Variants in YJU2 observed in about 807,000 individuals in gnomAD.
YJU2 encodes splicing factor YJU2.
Under a neutral mutation model 39.6 loss-of-function variants are expected in YJU2, and 28 were observed. The ratio of observed to expected loss-of-function variants is 0.71; its 90% confidence interval spans 0.52 to 0.97. The LOEUF (loss-of-function observed/expected upper bound fraction) is 0.97. Among genes scored for constraint, YJU2 ranks in the 50% least tolerant of loss-of-function variants. The probability of loss-of-function intolerance (pLI) is 0.00; values close to 1 mark genes in which losing one functional copy is unlikely to be tolerated. For missense variants in YJU2, 328 were observed against 430.4 expected, an observed-to-expected ratio of 0.76 and a Z score of 2.11; for synonymous variants, 184 against 182.4, an observed-to-expected ratio of 1.01 and a Z score of -0.07.
rs1054754043 is a variant in YJU2 at position 4,247,093 on chromosome 19, A to C, written c.-54A>C. 6.3e-5 allele frequency: 99 copies of C among 1,575,966 alleles called. No homozygotes were observed. Among genetic ancestry groups the C allele is most frequent in the Non-Finnish European group, 8.3e-5 (95 of 1,145,394 alleles). ...AAGGCTTCCGTCGGAAAAGCTCGAT[A>C]ATTACCCAGCCTAACCATTTCTCAG... On this transcript the variant is annotated 5_prime_UTR_variant, in exon 1 of 8. Coordinates refer to ENST00000262962, the MANE Select transcript of YJU2 (RefSeq NM_018074.6).
At chr19:4,263,343 G>A (rs1303938030) in intron 6 of YJU2, among the ~76,000 whole-genome samples, 2 of 152,116 alleles carry the variant, frequency 1.3e-5, no homozygotes, top group South Asian at 2.1e-4. Flanking sequence ...TTCAGGGTCC[G>A]GCTGTGGGAA....
rs1481078406 is a variant in YJU2, at chr19:4,249,487, A to G, written c.125+159A>G. Among the ~76,000 whole-genome samples, 5 of 151,830 alleles carry G rather than the reference A, an allele frequency of 3.3e-5. No homozygotes were observed. In the South Asian group the frequency reaches 6.2e-4, roughly 19 times the overall value. On this transcript the variant is annotated intron_variant, in intron 2 of 7. Coordinates refer to ENST00000262962, the MANE Select transcript of YJU2 (RefSeq NM_018074.6). Reference sequence around the variant, plus strand: ...CATTCCAACCCTCCTTCGCCTCACCACTTGGGATTAAGCTTTGGATCTTTT... The same window carrying G: ...CATTCCAACCCTCCTTCGCCTCACCGCTTGGGATTAAGCTTTGGATCTTTT...
intron 4 of YJU2, 52 bp downstream of exon 4, chr19:4,254,541 G>A (rs1432084411): frequency 6.7e-7 from 1 of 1,498,120 alleles, no homozygotes; most frequent in Admixed American, 2.4e-5. Flanking sequence ...GTGGGTGTGT[G>A]TGTGTGCCAA....
chr19:4,255,866 G>A (rs1358120235), intron 4 of YJU2, among the ~76,000 whole-genome samples: 1 of 151,888 alleles, frequency 6.6e-6, no homozygotes, highest in East Asian at 1.9e-4. Flanking sequence ...AATTAACCAG[G>A]CGTGGTGGCA....
Position 4,268,879 on chromosome 19 carries a change from TGCCCTCACCA to T in YJU2, c.*187_*196del. On this transcript the variant is annotated 3_prime_UTR_variant, in exon 8 of 8. Coordinates refer to ENST00000262962, the MANE Select transcript of YJU2 (RefSeq NM_018074.6). ...TCAGCCCCAGGAGGTCCCTTCTCTGTGCCCTCACCAGCCTCTCAACACCTCGGGGACCCCT... is the reference window on the plus strand; with the variant it reads ...TCAGCCCCAGGAGGTCCCTTCTCTGTGCCTCTCAACACCTCGGGGACCCCT... 2 of 589,828 alleles carry T rather than the reference TGCCCTCACCA, an allele frequency of 3.4e-6. No homozygotes were observed. The highest frequency in any genetic ancestry group is 6.1e-6 in the Non-Finnish European group (2 of 330,284). 36.5% of individuals were successfully genotyped at this position (589,828 alleles called of 1,614,324 possible).
At position 4,268,770 on chromosome 19, in the gene YJU2, T is replaced by C; in HGVS notation, c.*74T>C. ...GCCACATTGAGGCCAGCATTGCTGG[T>C]GGTCAGGGCAGGAGGCCTTGGCGTG... On this transcript the variant is annotated 3_prime_UTR_variant, in exon 8 of 8. Transcript: ENST00000262962. The C allele has an allele frequency of 2.7e-6, 3 of 1,129,598 alleles. No individual in the cohort carries two copies. In the Admixed American group the frequency reaches 5.9e-5, roughly 22 times the overall value. 70.0% of individuals were successfully genotyped at this position (1,129,598 alleles called of 1,614,324 possible).
chr19:4,264,238 G>A (rs7245387), intron 6 of YJU2, among the ~76,000 whole-genome samples: 4,093 of 141,314 alleles, frequency 0.029, 199 homozygotes, highest in African/African-American at 0.1. Flanking sequence ...CTCCAGCCTG[G>A]GCGACAGAGC....
At chr19:4,251,930 T>C (rs1970980344) in intron 3 of YJU2, among the ~76,000 whole-genome samples, 1 of 151,872 alleles carries the variant, frequency 6.6e-6, no homozygotes, top group Admixed American at 6.6e-5. Flanking sequence ...GAGGTTGCAG[T>C]GAGCCAACAT....
In YJU2 at chr19:4,268,775, A is replaced by G. The variant is rs1971139019; in HGVS notation, c.*79A>G. 6.6e-6 allele frequency: 7 copies of G among 1,054,108 alleles called. No homozygotes were observed. The highest frequency in any genetic ancestry group is 6.1e-5 in the Admixed American group (3 of 49,380). 65.3% of individuals were successfully genotyped at this position (1,054,108 alleles called of 1,614,324 possible). A position where few individuals can be genotyped will look rare whatever the true frequency, so the allele number is the denominator to read the frequency against. ...ATTGAGGCCAGCATTGCTGGTGGTC[A>G]GGGCAGGAGGCCTTGGCGTGACTGG... On this transcript the variant is annotated 3_prime_UTR_variant, in exon 8 of 8. Coordinates refer to ENST00000262962, the MANE Select transcript of YJU2 (RefSeq NM_018074.6).
chr19:4,255,450 C>T (rs1187442931), intron 4 of YJU2, among the ~76,000 whole-genome samples: 1 of 151,826 alleles, frequency 6.6e-6, no homozygotes, highest in East Asian at 1.9e-4. Context: ...CAGGTGCTTG[C>T]CAGGCGTGGT....
In YJU2 at chr19:4,267,727, C is replaced by G. The variant is rs1052024869; in HGVS notation, c.812C>G (p.Ala271Gly). The change falls in exon 7 of 8, where the codon GCC (alanine) becomes GGC (glycine). Residue 271 changes from alanine to glycine, a missense_variant. Physicochemically the swap from Ala to Gly is moderately conservative, Grantham distance 60. This residue lies in a region of YJU2 where 244 missense variants were observed against 264.6 expected (regional missense o/e 0.92). Coordinates refer to ENST00000262962, the MANE Select transcript of YJU2 (RefSeq NM_018074.6). ...CTGGTCGTGGTGAAGAAGGCAAAGG[C>G]CGACCCGGACTGCAGCAACGGGCAG... is the stretch of plus-strand genomic sequence containing the variant. ...SRLVVVKKAK[A>G]DPDCSNGQPQ... 3.0e-5 allele frequency: 48 copies of G among 1,612,970 alleles called. No individual in the cohort carries two copies. The highest frequency in any genetic ancestry group is 4.1e-5 in the Non-Finnish European group (48 of 1,179,846).
chr19:4,253,198 T>TACACACACACACACACACAC (rs58339658), intron 3 of YJU2, among the ~76,000 whole-genome samples: 2 of 139,160 alleles, frequency 1.4e-5, no homozygotes, highest in African/African-American at 5.4e-5. Context: ...TGTCCGTGTC[T>TACACACACACACACACACAC]ACACACACAC....
At chr19:4,253,767 A>T (rs987149920) in intron 3 of YJU2, among the ~76,000 whole-genome samples, 18 of 152,186 alleles carry the variant, frequency 1.2e-4, no homozygotes, top group African/African-American at 4.3e-4. Context: ...TTTATAATCA[A>T]AGAAAAGGTG....
intron 6 of YJU2, 115 bp downstream of exon 6, chr19:4,262,229 C>G (rs561586817): frequency 1.7e-4 from 196 of 1,148,072 alleles, no homozygotes; most frequent in Non-Finnish European, 2.3e-4. Flanking sequence ...GACGGAGTCT[C>G]GCTCTGTCGC....
Position 4,251,143 on chromosome 19 carries a change from C to T in YJU2, c.242C>T (p.Thr81Met), listed in dbSNP as rs765909626. The part of the protein sequence containing the change: ...LPIFRFYIKC[T>M]RCLAEITFKT... Reference sequence around the variant, plus strand: ...ATCTTCCGCTTTTACATCAAGTGCACGCGCTGCCTGGCAGAGATCACCTTC... The same window carrying T: ...ATCTTCCGCTTTTACATCAAGTGCATGCGCTGCCTGGCAGAGATCACCTTC... The change falls in exon 3 of 8, where the codon ACG becomes ATG. Residue 81 changes from threonine (T) to methionine (M), a missense_variant. By Grantham distance (81) the Thr-to-Met change is moderately conservative. This residue lies in a region of YJU2 where 84 missense variants were observed against 165.8 expected (regional missense o/e 0.51). Transcript: ENST00000262962. The T allele has an allele frequency of 6.2e-6, 10 of 1,614,140 alleles. No individual in the cohort carries two copies. The highest frequency in any genetic ancestry group is 7.6e-6 in the Non-Finnish European group (9 of 1,180,028).
rs533125142 is a variant in YJU2, at chr19:4,264,134, C to T, written c.708+2020C>T. ...AAAATTAGCCGGGCGTGGTGGCGGG[C>T]GCCTGTAGTCCCAGCTACTCAGGAG... On this transcript the variant is annotated intron_variant, in intron 6 of 7. Coordinates refer to ENST00000262962, the MANE Select transcript of YJU2 (RefSeq NM_018074.6). Among the ~76,000 whole-genome samples the T allele has an allele frequency of 4.0e-5, 6 of 149,958 alleles. No homozygotes were observed. The East Asian group carries it at 8.2e-4, about 21-fold the overall frequency.
chr19:4,252,618 A>T (rs112871115), intron 3 of YJU2, among the ~76,000 whole-genome samples: 2,410 of 151,652 alleles, frequency 0.016, 36 homozygotes, highest in Admixed American at 0.025. Context: ...ATAAATAAAT[A>T]AATTAATAAT....
At chr19:4,254,215 C>T in intron 3 of YJU2, 140 bp from the exon 4 acceptor site, 2 of 720,786 alleles carry the variant, frequency 2.8e-6, no homozygotes, top group Non-Finnish European at 4.8e-6. Context: ...TCTCACCAGT[C>T]AAAGCAATAA....
At chr19:4,249,868 G>A (rs906837146) in intron 2 of YJU2, among the ~76,000 whole-genome samples, 2 of 151,984 alleles carry the variant, frequency 1.3e-5, no homozygotes, top group Admixed American at 6.6e-5. Context: ...CACCACGCCC[G>A]GCTAATTTTT....
Sources: allele counts gnomAD v4.1 joint callset (sites outside exome capture counted in the v4.1 genomes callset), GRCh38; gene constraint gnomAD v4.1.1; regional missense constraint gnomAD v4.1.1; transcripts MANE v1.5; gene names NCBI Gene and HGNC (gene_info 2026-07-23, HGNC 2026-07-21).